CACNA1D: variants seen among roughly 807,000 people sequenced by gnomAD.
The protein encoded by CACNA1D is voltage-dependent L-type calcium channel subunit alpha-1D.
A neutral mutation model predicts 257.1 loss-of-function variants in CACNA1D; 55 were observed. The ratio of observed to expected loss-of-function variants is 0.21; its 90% CI spans 0.17 to 0.27. The LOEUF (loss-of-function observed/expected upper bound fraction) is 0.27, where lower values mean the gene tolerates loss of function less well. Among genes scored for constraint, CACNA1D ranks in the 10% least tolerant of loss-of-function variants. CACNA1D has a pLI of 1.00. For missense variants in CACNA1D, 1,876 were observed against 2,784.0 expected, an observed-to-expected ratio of 0.67 and a Z score of 7.34; for synonymous variants, 980 against 1,014.9, an observed-to-expected ratio of 0.97 and a Z score of 0.65.
chr3:53,763,238 G>C (rs58288602), intron 30 of CACNA1D, among the ~76,000 whole-genome samples: 1,962 of 152,370 alleles, frequency 0.013, 41 homozygotes, highest in African/African-American at 0.045. Context: ...ACCAGGGAGA[G>C]GGTGTCAGTC....
chr3:53,506,580 A>G (rs1351410218), intron 3 of CACNA1D, among the ~76,000 whole-genome samples: 1 of 152,254 alleles, frequency 6.6e-6, no homozygotes, highest in Non-Finnish European at 1.5e-5. Flanking sequence ...GAGTGAATAA[A>G]TAAATGAATG....
chr3:53,548,125 T>G (rs1357506492), intron 3 of CACNA1D, among the ~76,000 whole-genome samples: 2 of 152,202 alleles, frequency 1.3e-5, no homozygotes, highest in Non-Finnish European at 2.9e-5. Flanking sequence ...CTCTTGGTCC[T>G]TTGATTCTTT....
At chr3:53,566,404 T>A (rs893155982) in intron 3 of CACNA1D, among the ~76,000 whole-genome samples, 2 of 152,150 alleles carry the variant, frequency 1.3e-5, no homozygotes, top group Admixed American at 1.3e-4. Flanking sequence ...CCTGATTACC[T>A]GGGTCTCTGC....
intron 3 of CACNA1D, among the ~76,000 whole-genome samples, chr3:53,593,099 C>G (rs1055655902): frequency 2.0e-5 from 3 of 152,126 alleles, no homozygotes; most frequent in South Asian, 4.1e-4. Context: ...TCTGGGGGAG[C>G]TAAAGCAGGT....
intron 31 of CACNA1D, among the ~76,000 whole-genome samples, 175 bp from the exon 32 acceptor site, chr3:53,770,249 T>C (rs2095359048): frequency 1.3e-5 from 2 of 152,174 alleles, no homozygotes; most frequent in Non-Finnish European, 2.9e-5. Flanking sequence ...TTTTCCGAGC[T>C]CTGTGTTGTT....
intron 35 of CACNA1D, 134 bp from the exon 36 acceptor site, chr3:53,776,469 A>G (rs369242626): frequency 9.6e-7 from 1 of 1,044,744 alleles, no homozygotes; most frequent in Non-Finnish European, 1.4e-6. Context: ...CATTCTCCAA[A>G]TAGAAAGTTT....
intron 3 of CACNA1D, among the ~76,000 whole-genome samples, chr3:53,579,033 C>T (rs1162620286): frequency 2.0e-5 from 3 of 152,138 alleles, no homozygotes; most frequent in Non-Finnish European, 2.9e-5. Flanking sequence ...TGGCCAGGCC[C>T]GAGCAGCAGG....
At chr3:53,762,340 G>A (rs2095308379) in intron 30 of CACNA1D, among the ~76,000 whole-genome samples, 6 of 152,248 alleles carry the variant, frequency 3.9e-5, no homozygotes. Flanking sequence ...TAGTAGGCAA[G>A]GTAAGATAGG....
At chr3:53,729,979 C>G (rs781591786) in intron 15 of CACNA1D, among the ~76,000 whole-genome samples, 1 of 152,062 alleles carries the variant, frequency 6.6e-6, no homozygotes, top group Non-Finnish European at 1.5e-5. Context: ...GAATAACTTG[C>G]AACCTTTGAA....
intron 3 of CACNA1D, among the ~76,000 whole-genome samples, chr3:53,530,572 A>G (rs1205468230): frequency 6.6e-6 from 1 of 152,188 alleles, no homozygotes; most frequent in Non-Finnish European, 1.5e-5. Context: ...AGGGACCTAC[A>G]ACACTGCTTG....
At chr3:53,805,338 T>G in intron 45 of CACNA1D, 192 bp downstream of exon 45, 74 of 598,670 alleles carry the variant, frequency 1.2e-4, no homozygotes, top group Non-Finnish European at 1.4e-4. Flanking sequence ...GATAGAGCTC[T>G]AGCCTCTTCA....
At chr3:53,678,911 C>T (rs990035928) in intron 8 of CACNA1D, 3 of 152,056 alleles carry the variant, frequency 2.0e-5, no homozygotes, top group Non-Finnish European at 4.4e-5. Context: ...TGAATATTTT[C>T]TAAGTGGAGA....
chr3:53,655,678 T>C (rs1315053614), intron 4 of CACNA1D, among the ~76,000 whole-genome samples: 3 of 152,182 alleles, frequency 2.0e-5, no homozygotes, highest in Non-Finnish European at 4.4e-5. Context: ...TCTTGAGAAG[T>C]TGTTTGAGTT....
In CACNA1D at chr3:53,810,178, G is replaced by A. The variant is rs1220846942; in HGVS notation, c.6072G>A (p.Trp2024Ter). 1 of 1,613,966 alleles carries A rather than the reference G, an allele frequency of 6.2e-7. No homozygotes were observed. The highest frequency in any genetic ancestry group is 8.5e-7 in the Non-Finnish European group (1 of 1,180,034). Residue 2024 changes from tryptophan (W) to a stop codon, truncating the protein, a stop_gained, in exon 47 of 48, where the codon TGG becomes TGA. Transcript: ENST00000350061. LOFTEE classifies it high-confidence loss of function. ...TGCCGTCCCTGCACCGCAGCTCCTG[G>A]TACACAGACGAGCCCGACATCTCCT... is the stretch of plus-strand genomic sequence containing the variant. ...GSLPSLHRSS[W>*]YTDEPDISYR...
intron 8 of CACNA1D, among the ~76,000 whole-genome samples, chr3:53,698,623 C>T (rs2094593467): frequency 6.6e-6 from 1 of 152,164 alleles, no homozygotes; most frequent in African/African-American, 2.4e-5. Context: ...AGAACATTAA[C>T]ATGGTTCCCA....
chr3:53,801,511 C>T lies in CACNA1D; in HGVS notation c.5408+86C>T. ...CCAAGGAGCAAGGCGGGTCTGTGCT[C>T]TGTGCTCTGGGGCATGGAGGAGGTT... On this transcript the variant is annotated intron_variant, in intron 42 of 47. Coordinates refer to ENST00000350061, the MANE Select transcript of CACNA1D (RefSeq NM_001128840.3). The T allele has an allele frequency of 2.6e-6, 4 of 1,559,648 alleles. No homozygotes were observed. The South Asian group carries it at 4.5e-5, about 17-fold the overall frequency.
At chr3:53,582,577 C>T (rs1296750176) in intron 3 of CACNA1D, among the ~76,000 whole-genome samples, 1 of 151,990 alleles carries the variant, frequency 6.6e-6, no homozygotes, top group Non-Finnish European at 1.5e-5. Context: ...GGCAGAGCAA[C>T]AAGTAGTAGA....
At chr3:53,753,390 A>G (rs1340369547) in intron 28 of CACNA1D, among the ~76,000 whole-genome samples, 182 bp from the exon 29 acceptor site, 1 of 152,194 alleles carries the variant, frequency 6.6e-6, no homozygotes, top group Non-Finnish European at 1.5e-5. Flanking sequence ...ATCTTGTCAC[A>G]GACCCTCCTG....
intron 3 of CACNA1D, among the ~76,000 whole-genome samples, chr3:53,502,862 A>G (rs886205661): frequency 6.6e-6 from 1 of 152,192 alleles, no homozygotes; most frequent in African/African-American, 2.4e-5. Flanking sequence ...CCCATTCTGG[A>G]TAACAGGAAA....
Sources: gnomAD v4.1 joint callset for allele counts (sites outside exome capture counted in the v4.1 genomes callset) on GRCh38, gnomAD v4.1.1 for gene constraint, MANE v1.5 for transcripts, NCBI Gene and HGNC (gene_info 2026-07-23, HGNC 2026-07-21) for gene names.